Variants in LRRC4C observed in about 807,000 individuals in gnomAD.
LRRC4C encodes leucine-rich repeat-containing protein 4C.
LRRC4C carries 5 observed loss-of-function variants against 33.6 expected under a neutral mutation model. That is an observed-to-expected ratio of 0.15 (90% confidence interval 0.08 to 0.31). LRRC4C has a LOEUF of 0.31. Ranked by LOEUF, LRRC4C falls within the 10% of genes least tolerant of loss-of-function variation. The probability of loss-of-function intolerance (pLI) is 1.00; values close to 1 mark genes in which losing one functional copy is unlikely to be tolerated. For missense variants in LRRC4C, 560 were observed against 796.7 expected (o/e 0.70, Z 3.58); for synonymous variants, 329 against 302.0 (o/e 1.09, Z -0.93).
At chr11:40,702,608 T>G (rs1229825876) in intron 2 of LRRC4C, among the ~76,000 whole-genome samples, 2 of 152,166 alleles carry the variant, frequency 1.3e-5, no homozygotes, top group Admixed American at 1.3e-4. Flanking sequence ...TTCCCTGTCC[T>G]CATGAGCACA....
intron 1 of LRRC4C, among the ~76,000 whole-genome samples, chr11:41,178,726 C>T (rs1012534664): frequency 1.3e-5 from 2 of 152,078 alleles, no homozygotes; most frequent in South Asian, 2.1e-4. Flanking sequence ...TTTTTTGAGA[C>T]GGAGTCTCGC....
intron 1 of LRRC4C, among the ~76,000 whole-genome samples, chr11:41,239,429 CCT>C (rs1948161966): frequency 6.6e-6 from 1 of 151,376 alleles, no homozygotes; most frequent in Non-Finnish European, 1.5e-5. Context: ...TCCTATTTCT[CCT>C]CTCTCTCAAC....
chr11:40,508,885 G>A (rs1955167968), intron 3 of LRRC4C, among the ~76,000 whole-genome samples: 1 of 152,066 alleles, frequency 6.6e-6, no homozygotes, highest in African/African-American at 2.4e-5. Context: ...TAAAATTGTA[G>A]CTATTAAATT....
intron 3 of LRRC4C, among the ~76,000 whole-genome samples, chr11:40,384,513 A>G (rs1326981507): frequency 6.6e-6 from 1 of 152,202 alleles, no homozygotes; most frequent in East Asian, 1.9e-4. Context: ...TACCTAACAT[A>G]TAGCAGAACC....
At chr11:40,654,148 A>C in intron 2 of LRRC4C, among the ~76,000 whole-genome samples, 1 of 152,224 alleles carries the variant, frequency 6.6e-6, no homozygotes, top group East Asian at 1.9e-4. Flanking sequence ...CTGCTAGGGC[A>C]GTGTGGATGG....
At chr11:40,783,815 A>G (rs898753547) in intron 2 of LRRC4C, among the ~76,000 whole-genome samples, 1 of 152,152 alleles carries the variant, frequency 6.6e-6, no homozygotes. Context: ...TTTTGGTAAT[A>G]GGATAGGATT....
chr11:40,903,502 A>G (rs77366273), intron 2 of LRRC4C, among the ~76,000 whole-genome samples: 5,460 of 152,292 alleles, frequency 0.036, 278 homozygotes, highest in East Asian at 0.25. Flanking sequence ...ACTACAGCTG[A>G]CATAGATAAT....
At chr11:41,017,145 T>C (rs115701936) in intron 1 of LRRC4C, among the ~76,000 whole-genome samples, 80 of 152,352 alleles carry the variant, frequency 5.3e-4, no homozygotes, top group African/African-American at 1.9e-3. Flanking sequence ...AATAAAATTA[T>C]TTCACAAGTT....
At chr11:40,981,207 A>T (rs1852496990) in intron 1 of LRRC4C, among the ~76,000 whole-genome samples, 1 of 152,108 alleles carries the variant, frequency 6.6e-6, no homozygotes, top group Admixed American at 6.5e-5. Context: ...CGAGGTCAGG[A>T]GATGGAGACC....
chr11:41,393,059 TATA>T (rs1336321533), intron 1 of LRRC4C, among the ~76,000 whole-genome samples: 18 of 152,030 alleles, frequency 1.2e-4, no homozygotes, highest in African/African-American at 3.9e-4. Flanking sequence ...ATAGGGGAGA[TATA>T]ATGATTGTAA....
Position 41,103,790 on chromosome 11 carries a change from T to A in LRRC4C, c.-495-170067A>T, listed in dbSNP as rs142846325. ...GTGTTTGCATAAGAATAGACATAGA[T>A]CCATGGCAAAAAATTAAGAACTCAG... On this transcript the variant is annotated intron_variant, in intron 1 of 6. Coordinates refer to ENST00000528697, the MANE Select transcript of LRRC4C (RefSeq NM_001258419.2). Among the ~76,000 whole-genome samples, 508 of 151,998 alleles carry A rather than the reference T, an allele frequency of 3.3e-3. 2 individuals are homozygous for A. The highest frequency in any genetic ancestry group is 0.011 in the African/African-American group (466 of 41,506).
At chr11:41,218,763 ATTTTT>A (rs1184491274) in intron 1 of LRRC4C, among the ~76,000 whole-genome samples, 1 of 108,898 alleles carries the variant, frequency 9.2e-6, no homozygotes, top group Non-Finnish European at 1.8e-5. Flanking sequence ...TGCATATGTC[ATTTTT>A]TTTTTTTTTT....
At chr11:40,768,350 G>C (rs1949582391) in intron 2 of LRRC4C, among the ~76,000 whole-genome samples, 2 of 151,978 alleles carry the variant, frequency 1.3e-5, no homozygotes, top group African/African-American at 4.8e-5. Context: ...AAAAACTTGG[G>C]ACCTGGTGGT....
intron 1 of LRRC4C, among the ~76,000 whole-genome samples, chr11:41,256,058 T>A (rs1057238189): frequency 1.1e-4 from 17 of 152,058 alleles, no homozygotes; most frequent in Non-Finnish European, 1.9e-4. Context: ...CTGAATATGA[T>A]AAAATGTATT....
chr11:41,012,119 T>G (rs929977309), intron 1 of LRRC4C, among the ~76,000 whole-genome samples: 2 of 152,086 alleles, frequency 1.3e-5, no homozygotes, highest in Non-Finnish European at 2.9e-5. Flanking sequence ...TATTTTGAAA[T>G]GTACAATAGA....
intron 2 of LRRC4C, among the ~76,000 whole-genome samples, chr11:40,805,895 A>G (rs897283875): frequency 6.6e-6 from 1 of 152,184 alleles, no homozygotes; most frequent in African/African-American, 2.4e-5. Flanking sequence ...TCATCAAGAA[A>G]GAGCATGGTC....
rs577667294 is a variant in LRRC4C at position 40,915,179 on chromosome 11, G to T, written c.-407+18456C>A. ...CAAGCTACCAATGACTTTCTTCACA[G>T]AATTGGAAAAAACTACTTTAAAGTT... On this transcript the variant is annotated intron_variant, in intron 2 of 6. Transcript: ENST00000528697. Among the ~76,000 whole-genome samples the T allele has an allele frequency of 3.5e-3, 532 of 152,162 alleles. 2 individuals carry two copies. Among genetic ancestry groups the T allele is most frequent in the Non-Finnish European group, 6.0e-3 (408 of 68,026 alleles).
At chr11:40,208,923 C>T (rs1863363110) in intron 5 of LRRC4C, among the ~76,000 whole-genome samples, 1 of 149,418 alleles carries the variant, frequency 6.7e-6, no homozygotes, top group African/African-American at 2.5e-5. Flanking sequence ...GTCAAATGCT[C>T]CAAATCAGGG....
At chr11:40,384,797 T>C (rs1949040350) in intron 3 of LRRC4C, among the ~76,000 whole-genome samples, 1 of 152,132 alleles carries the variant, frequency 6.6e-6, no homozygotes, top group Non-Finnish European at 1.5e-5. Flanking sequence ...TCCTGGCAGG[T>C]TTGTTATATT....
Sources: gnomAD v4.1 joint callset for allele counts (sites outside exome capture counted in the v4.1 genomes callset) on GRCh38, gnomAD v4.1.1 for gene constraint, MANE v1.5 for transcripts, NCBI Gene and HGNC (gene_info 2026-07-23, HGNC 2026-07-21) for gene names.